The following KYNU variants were observed in gnomAD, a reference collection of about 807,000 sequenced individuals.
KYNU encodes the protein L-kynurenine hydrolase.
In KYNU, 54 loss-of-function variants were observed where a neutral mutation model predicts 59.2. That is an observed-to-expected ratio of 0.91 (90% CI 0.73 to 1.14). KYNU has a LOEUF of 1.14. Among genes scored for constraint, KYNU ranks in the 50% most tolerant of loss-of-function variants. KYNU has a pLI of 0.00. For missense variants in KYNU, 567 were observed against 554.4 expected, an observed-to-expected ratio of 1.02 and a Z score of -0.23; for synonymous variants, 177 against 192.0, an observed-to-expected ratio of 0.92 and a Z score of 0.65.
chr2:142,945,848 C>A (rs1340905742), intron 4 of KYNU, among the ~76,000 whole-genome samples: 2 of 151,798 alleles, frequency 1.3e-5, no homozygotes, highest in South Asian at 2.1e-4. Context: ...AGTGATTCTC[C>A]TGACTCAAAC....
Position 143,043,824 on chromosome 2 carries a change from T to G in KYNU, c.*1652T>G, listed in dbSNP as rs909591977. The G allele has an allele frequency of 2.0e-5, 3 of 147,314 alleles. No homozygotes were observed. The highest frequency in any genetic ancestry group is 7.4e-5 in the African/African-American group (3 of 40,568). The allele number at this position is 147,314 out of a possible 1,614,324, so 9.1% of individuals were successfully genotyped here. A position where few individuals can be genotyped will look rare whatever the true frequency, so the allele number is the denominator to read the frequency against. ...ATATAAATATATATAAAGTATAATA[T>G]ATATAAAGTATAAATATATATATAT... On this transcript the variant is annotated 3_prime_UTR_variant, in exon 14 of 14. Coordinates refer to ENST00000264170, the MANE Select transcript of KYNU (RefSeq NM_003937.3).
chr2:142,990,134 C>T (rs1188275799), intron 10 of KYNU: 1 of 151,828 alleles, frequency 6.6e-6, no homozygotes, highest in South Asian at 2.1e-4. Flanking sequence ...TAACTTAGCT[C>T]ATTGCAATGT....
In KYNU at chr2:142,954,791, C is replaced by T. The variant is rs77280293; in HGVS notation, c.374-19C>T. 8.3e-5 allele frequency: 127 copies of T among 1,525,236 alleles called. No individual in the cohort carries two copies. The highest frequency in any genetic ancestry group is 7.2e-4 in the African/African-American group (53 of 73,240). 94.5% of individuals were successfully genotyped at this position (1,525,236 alleles called of 1,614,324 possible). A position where few individuals can be genotyped will look rare whatever the true frequency, so the allele number is the denominator to read the frequency against. On this transcript the variant is annotated intron_variant, in intron 4 of 13. Transcript: ENST00000264170. ...AGACATAGTACAAACATCTAAATTA[C>T]GATATGTTTATTTTACAGGAGCCAA...
rs1023765474 is a variant in KYNU, at chr2:142,977,215, G to C, written c.730-7869G>C. On this transcript the variant is annotated intron_variant, in intron 8 of 13. Coordinates refer to ENST00000264170, the MANE Select transcript of KYNU (RefSeq NM_003937.3). ...CAAGAGGAGGGGTCCATTCAGATGG[G>C]GCCTTAGAATTTTAGCTGTGGTTTA... is the stretch of plus-strand genomic sequence containing the variant. Among the ~76,000 whole-genome samples the C allele has an allele frequency of 3.0e-4, 45 of 151,810 alleles. 1 individual carries two copies. The highest frequency in any genetic ancestry group is 4.4e-5 in the Non-Finnish European group (3 of 67,992).
At position 142,955,629 on chromosome 2, in the gene KYNU, G is replaced by T. The variant is rs1054062868; in HGVS notation, c.436-574G>T. 5.9e-5 allele frequency among the ~76,000 whole-genome samples: 9 copies of T among 152,134 alleles called. No individual in the cohort carries two copies. The Middle Eastern group carries it at 0.01, about 172-fold the overall frequency. On this transcript the variant is annotated intron_variant, in intron 5 of 13. Coordinates refer to ENST00000264170, the MANE Select transcript of KYNU (RefSeq NM_003937.3). ...ATATCTACCTCAAAGATCTGCATGAGAATTAAATGTAATAATATGTGAAAA... is the reference window on the plus strand; with the variant it reads ...ATATCTACCTCAAAGATCTGCATGATAATTAAATGTAATAATATGTGAAAA...
intron 2 of KYNU, 105 bp downstream of exon 2, chr2:142,885,641 G>T: frequency 9.6e-7 from 1 of 1,046,578 alleles, no homozygotes; most frequent in Non-Finnish European, 1.4e-6. Context: ...ACATAATAGA[G>T]CTGTTGCAAT....
chr2:143,028,422 T>C (rs1421808932), intron 10 of KYNU, among the ~76,000 whole-genome samples: 3 of 150,540 alleles, frequency 2.0e-5, no homozygotes, highest in African/African-American at 7.3e-5. Flanking sequence ...TTTTGTATTT[T>C]TAGTAGAGAC....
In KYNU at chr2:143,046,575, TAG is replaced by T. The variant is rs1687167452; in HGVS notation, c.*4405_*4406del. The T allele has an allele frequency of 6.6e-6, 1 of 151,426 alleles. No individual in the cohort carries two copies. The highest frequency in any genetic ancestry group is 2.4e-5 in the African/African-American group (1 of 41,344). 9.4% of individuals were successfully genotyped at this position (151,426 alleles called of 1,614,324 possible). On this transcript the variant is annotated 3_prime_UTR_variant, in exon 14 of 14. Coordinates refer to ENST00000264170, the MANE Select transcript of KYNU (RefSeq NM_003937.3). The stretch of plus-strand genomic sequence containing the variant: ...ATATATCTATATAAATATAGATATG[TAG>T]ATATATGAAAGCAATATATATATGG...
chr2:142,948,399 A>G (rs1051034551), intron 4 of KYNU, among the ~76,000 whole-genome samples: 2 of 152,154 alleles, frequency 1.3e-5, no homozygotes, highest in African/African-American at 4.8e-5. Flanking sequence ...TCAGCAATAA[A>G]GCTTGTATTA....
chr2:143,021,670 C>T (rs1686412821), intron 10 of KYNU, among the ~76,000 whole-genome samples: 1 of 152,138 alleles, frequency 6.6e-6, no homozygotes, highest in Non-Finnish European at 1.5e-5. Flanking sequence ...CAAGAACTCA[C>T]ACACTATTGC....
At chr2:143,041,853 A>T (rs534787837) in intron 13 of KYNU, among the ~76,000 whole-genome samples, 194 bp from the exon 14 acceptor site, 57 of 152,116 alleles carry the variant, frequency 3.7e-4, no homozygotes, top group African/African-American at 1.3e-3. Context: ...ATCCATTCTT[A>T]TTTCTTAAAT....
intron 4 of KYNU, among the ~76,000 whole-genome samples, chr2:142,940,236 A>C (rs1683553334): frequency 6.6e-6 from 1 of 152,256 alleles, no homozygotes; most frequent in Non-Finnish European, 1.5e-5. Flanking sequence ...ACCGGAGAAT[A>C]TGTGCTTCTC....
rs1686828362 is a variant in KYNU, at chr2:143,034,049, A to AT, written c.1041+730dup. Among the ~76,000 whole-genome samples the AT allele has an allele frequency of 9.2e-5, 14 of 151,986 alleles. 1 individual carries two copies. In the South Asian group the frequency reaches 2.7e-3, roughly 29 times the overall value. On this transcript the variant is annotated intron_variant, in intron 12 of 13. Coordinates refer to ENST00000264170, the MANE Select transcript of KYNU (RefSeq NM_003937.3). ...TAAATATACATAACAAGAAAATGAA[A>AT]TTGTGATTCCTTAGATACTATTATT... is the stretch of plus-strand genomic sequence containing the variant.
At chr2:142,936,843 C>T (rs1445025355) in intron 4 of KYNU, among the ~76,000 whole-genome samples, 9 of 152,120 alleles carry the variant, frequency 5.9e-5, no homozygotes, top group Non-Finnish European at 1.0e-4. Flanking sequence ...GAGGGGTAGG[C>T]CCAAGGAGGA....
At chr2:142,905,144 T>C (rs993856846) in intron 2 of KYNU, among the ~76,000 whole-genome samples, 5 of 152,244 alleles carry the variant, frequency 3.3e-5, no homozygotes, top group South Asian at 2.1e-4. Context: ...TGTAGGAATA[T>C]GCCCTAAATA....
rs1438426511 is a variant in KYNU at position 143,045,496 on chromosome 2, C to T, written c.*3324C>T. On this transcript the variant is annotated 3_prime_UTR_variant, in exon 14 of 14. Transcript: ENST00000264170. ...ATGTTTTTCCATTTGTTTGTGTCCT[C>T]TCTGGTATCCTTGAGCAGTGGTTTG... 1 of 152,100 alleles carries T rather than the reference C, an allele frequency of 6.6e-6. No individual in the cohort carries two copies. Among genetic ancestry groups the T allele is most frequent in the Non-Finnish European group, 1.5e-5 (1 of 68,016 alleles). The allele number at this position is 152,100 out of a possible 1,614,324, so 9.4% of individuals were successfully genotyped here.
In KYNU at chr2:143,048,995, TTATTC is replaced by T. The variant is rs1687216055; in HGVS notation, c.*6828_*6832del. The stretch of plus-strand genomic sequence containing the variant: ...TGTGTCTAGGCAGTTATTATTGTGT[TTATTC>T]TATTTCTTTATTTGCTGTCTATCCA... On this transcript the variant is annotated 3_prime_UTR_variant, in exon 14 of 14. Transcript: ENST00000264170. The T allele has an allele frequency of 6.6e-6, 1 of 152,222 alleles. No homozygotes were observed. The highest frequency in any genetic ancestry group is 2.4e-5 in the African/African-American group (1 of 41,450). The allele number at this position is 152,222 out of a possible 1,614,324, so 9.4% of individuals were successfully genotyped here. A position where few individuals can be genotyped will look rare whatever the true frequency, so the allele number is the denominator to read the frequency against.
intron 4 of KYNU, among the ~76,000 whole-genome samples, chr2:142,937,432 C>T (rs967497821): frequency 2.6e-5 from 4 of 152,048 alleles, no homozygotes; most frequent in Non-Finnish European, 4.4e-5. Context: ...TTTCCCAGCA[C>T]GATGGGCAAA....
chr2:142,908,453 C>T (rs1285681547), intron 2 of KYNU, among the ~76,000 whole-genome samples: 1 of 150,964 alleles, frequency 6.6e-6, no homozygotes, highest in Non-Finnish European at 1.5e-5. Context: ...AAATTAAATG[C>T]CAGGCCTCTG....
Sources: gnomAD v4.1 joint callset for allele counts (sites outside exome capture counted in the v4.1 genomes callset) on GRCh38, gnomAD v4.1.1 for gene constraint, MANE v1.5 for transcripts, NCBI Gene and HGNC (gene_info 2026-07-23, HGNC 2026-07-21) for gene names.